Variants in LAMA3 observed in about 807,000 individuals in gnomAD.
LAMA3 encodes laminin subunit alpha 3, also known as laminin subunit alpha-3.
LAMA3 carries 281 observed loss-of-function variants against 402.0 expected under a neutral mutation model. The ratio of observed to expected loss-of-function variants is 0.70; its 90% confidence interval spans 0.63 to 0.77. The LOEUF (loss-of-function observed/expected upper bound fraction) is 0.77, where lower values mean the gene tolerates loss of function less well. LAMA3 is among the 30% of genes least tolerant of loss of function. LAMA3 has a pLI of 0.00. For synonymous variants in LAMA3, 1,431 were observed against 1,558.4 expected (o/e 0.92, Z 1.93); for missense variants, 3,840 against 4,215.5 (o/e 0.91, Z 2.47).
intron 11 of LAMA3, among the ~76,000 whole-genome samples, chr18:23,778,389 G>T (rs1462423327): frequency 6.6e-6 from 1 of 152,128 alleles, no homozygotes; most frequent in African/African-American, 2.4e-5. Context: ...ACATAATATA[G>T]AAACCCAAGC....
chr18:23,939,192 C>T (rs1466565617), intron 67 of LAMA3, 31 bp from the exon 68 acceptor site: 2 of 1,609,134 alleles, frequency 1.2e-6, no homozygotes, highest in Non-Finnish European at 1.7e-6. Flanking sequence ...ACTCTTTCCC[C>T]TGATAATTGT....
At chr18:23,750,796 C>T (rs1305588761) in intron 4 of LAMA3, 122 bp from the exon 5 acceptor site, 14 of 993,722 alleles carry the variant, frequency 1.4e-5, no homozygotes, top group East Asian at 7.2e-5. Flanking sequence ...AGACCCCCTA[C>T]GAATATCAAA....
intron 1 of LAMA3, among the ~76,000 whole-genome samples, chr18:23,705,462 C>CACACACAA (rs1027983466): frequency 2.0e-5 from 3 of 151,672 alleles, no homozygotes; most frequent in African/African-American, 4.8e-5. Flanking sequence ...CACACACACA[C>CACACACAA]ACACACACAC....
At chr18:23,820,743 A>G (rs890055402) in intron 19 of LAMA3, among the ~76,000 whole-genome samples, 4 of 152,206 alleles carry the variant, frequency 2.6e-5, no homozygotes, top group African/African-American at 9.7e-5. Context: ...AATTCAGAAT[A>G]TGAGAGGTAA....
At chr18:23,750,557 G>T (rs1349102531) in intron 4 of LAMA3, among the ~76,000 whole-genome samples, 2 of 142,266 alleles carry the variant, frequency 1.4e-5, no homozygotes, top group Non-Finnish European at 3.0e-5. Flanking sequence ...TTTCTTTGAT[G>T]CAGCTTAAGA....
intron 1 of LAMA3, among the ~76,000 whole-genome samples, chr18:23,706,984 A>T (rs12968630): frequency 0.47 from 71,139 of 152,086 alleles, 18,956 homozygotes; most frequent in Non-Finnish European, 0.61. Context: ...AGGCTGAGGC[A>T]GGAGAATCAC....
Position 23,833,997 on chromosome 18 carries a change from C to G in LAMA3, c.2984+9C>G, listed in dbSNP as rs922443322. On this transcript the variant is annotated intron_variant, in intron 24 of 74. Coordinates refer to ENST00000313654, the MANE Select transcript of LAMA3 (RefSeq NM_198129.4). ...TACAGCTGCAACTACAGGTACTCAG[C>G]CCCACCAAGGGAATTCCTCTGTAAA... 5.6e-6 allele frequency: 9 copies of G among 1,614,062 alleles called. No individual in the cohort carries two copies. Among genetic ancestry groups the G allele is most frequent in the Non-Finnish European group, 6.8e-6 (8 of 1,179,898 alleles).
chr18:23,877,022 C>T (rs2064743431), intron 39 of LAMA3, among the ~76,000 whole-genome samples: 1 of 152,190 alleles, frequency 6.6e-6, no homozygotes, highest in South Asian at 2.1e-4. Flanking sequence ...ACTCGGTCTG[C>T]ATTCCATCCA....
At chr18:23,913,244 G>A (rs2081496888) in intron 56 of LAMA3, among the ~76,000 whole-genome samples, 1 of 152,186 alleles carries the variant, frequency 6.6e-6, no homozygotes, top group South Asian at 2.1e-4. Flanking sequence ...TACCAAGGAG[G>A]AGTAGCTCCT....
At chr18:23,727,048 GTTGA>G (rs2061312541) in intron 2 of LAMA3, among the ~76,000 whole-genome samples, 1 of 152,166 alleles carries the variant, frequency 6.6e-6, no homozygotes, top group African/African-American at 2.4e-5. Context: ...TATTCACTCT[GTTGA>G]TTATTTATTT....
In LAMA3 at chr18:23,914,847, C is replaced by T. The variant is rs771121260; in HGVS notation, c.7631C>T (p.Pro2544Leu). The change falls in exon 58 of 75, where the codon CCA becomes CTA. Residue 2544 changes from proline (P) to leucine (L), a missense_variant. This residue lies in a region of LAMA3 where 840 missense variants were observed against 981.9 expected (regional missense o/e 0.86). Transcript: ENST00000313654. ...ENVVFYVGGYPPDFKLPSRLS... is the reference protein window; with the variant it reads ...ENVVFYVGGYLPDFKLPSRLS... ...GTTGTATTTTATGTTGGAGGTTACC[C>T]ACCTGATTTTAAAGTAAGTGTAAAT... 6.2e-7 allele frequency: 1 copy of T among 1,611,436 alleles called. No homozygotes were observed.
rs1370136252 is a variant in LAMA3 at position 23,857,884 on chromosome 18, G to A, written c.4177G>A (p.Ala1393Thr). ...CACAGGGCGGCAGTGTGACCGATGT[G>A]CTTCCGGGTTTTACCGCTTTCCTGA... ...RITGRQCDRC[A>T]SGFYRFPECV... The change falls in exon 33 of 75, where the codon GCT (alanine) becomes ACT (threonine). Residue 1393 changes from alanine to threonine, a missense_variant. Physicochemically the swap from Ala to Thr is moderately conservative, Grantham distance 58. Around this residue, in one of 3 missense-constraint regions of LAMA3, gnomAD observed 2,109 missense variants for 2,376.0 expected, o/e 0.89. Transcript: ENST00000313654. 1 of 1,614,242 alleles carries A rather than the reference G, an allele frequency of 6.2e-7. No individual in the cohort carries two copies. The highest frequency in any genetic ancestry group is 2.2e-5 in the East Asian group (1 of 44,886).
chr18:23,718,592 G>T (rs974539548), intron 2 of LAMA3, among the ~76,000 whole-genome samples: 2 of 152,204 alleles, frequency 1.3e-5, no homozygotes, highest in Non-Finnish European at 2.9e-5. Context: ...GAGGAGAGAA[G>T]GTGACGTTGC....
intron 59 of LAMA3, among the ~76,000 whole-genome samples, chr18:23,915,867 G>A (rs139558996): frequency 6.6e-6 from 1 of 151,670 alleles, no homozygotes; most frequent in African/African-American, 2.4e-5. Context: ...TCAGCCGAGT[G>A]TGATGGTGTG....
rs148640707 is a variant in LAMA3 at position 23,925,130 on chromosome 18, G to C, written c.8178-2993G>C. ...AACCAGCCAACGCTTCCAGAGCAGG[G>C]AGGTGTTCTGGTCCCTGGCATAAAT... On this transcript the variant is annotated intron_variant, in intron 62 of 74. Coordinates refer to ENST00000313654, the MANE Select transcript of LAMA3 (RefSeq NM_198129.4). Among the ~76,000 whole-genome samples the C allele has an allele frequency of 3.3e-5, 5 of 152,322 alleles. No individual in the cohort carries two copies. The East Asian group carries it at 9.6e-4, about 29-fold the overall frequency.
intron 41 of LAMA3, among the ~76,000 whole-genome samples, chr18:23,885,439 AG>A (rs1180128703): frequency 6.6e-6 from 1 of 151,142 alleles, no homozygotes; most frequent in Non-Finnish European, 1.5e-5. Context: ...CCTGGTTCCA[AG>A]AATGGTACTG....
rs1186662776 is a variant in LAMA3 at position 23,751,026 on chromosome 18, A to G, written c.793A>G (p.Thr265Ala). Residue 265 changes from threonine to alanine, a missense_variant, in exon 5 of 75, where the codon ACC (threonine) becomes GCC (alanine). Physicochemically the swap from Thr to Ala is moderately conservative, Grantham distance 58. Transcript: ENST00000313654. ...ATNIRLRFLRTNTLLGHLISK... is the reference protein window; with the variant it reads ...ATNIRLRFLRANTLLGHLISK... ...AAACATCCGCTTGCGTTTTCTTAGA[A>G]CCAATACGCTTCTTGGACACCTCAT... The G allele has an allele frequency of 6.8e-6, 11 of 1,614,148 alleles. No individual in the cohort carries two copies. The highest frequency in any genetic ancestry group is 9.3e-6 in the Non-Finnish European group (11 of 1,180,012).
chr18:23,747,959 A>AT lies in LAMA3; in HGVS notation c.465dup (p.Ile156TyrfsTer12), dbSNP rs745587299. 6.3e-7 allele frequency: 1 copy of AT among 1,597,408 alleles called. No homozygotes were observed. Among genetic ancestry groups the AT allele is most frequent in the Non-Finnish European group, 8.6e-7 (1 of 1,164,812 alleles). On this transcript the variant is annotated frameshift_variant, in exon 3 of 75. Transcript: ENST00000313654. LOFTEE classifies it high-confidence loss of function. The stretch of plus-strand genomic sequence containing the variant: ...TTTTATCAGCTCTTCCATGTGGCCT[A>AT]TATTTTAATCAAATTTGCAAATTCT...
intron 2 of LAMA3, among the ~76,000 whole-genome samples, chr18:23,730,082 T>A (rs1397126480): frequency 1.3e-5 from 2 of 152,060 alleles, no homozygotes; most frequent in East Asian, 3.9e-4. Context: ...AAAAACGAAA[T>A]AAAACAAAAA....
Sources: allele counts gnomAD v4.1 joint callset (sites outside exome capture counted in the v4.1 genomes callset), GRCh38; gene constraint gnomAD v4.1.1; regional missense constraint gnomAD v4.1.1; transcripts MANE v1.5; gene names NCBI Gene and HGNC (gene_info 2026-07-23, HGNC 2026-07-21).